DSCAM: variants seen among roughly 807,000 people sequenced by gnomAD.
DSCAM encodes the protein cell adhesion molecule DSCAM.
DSCAM carries 47 observed loss-of-function variants against 217.7 expected under a neutral mutation model. The ratio of observed to expected loss-of-function variants is 0.22; its 90% confidence interval spans 0.17 to 0.28. The LOEUF (loss-of-function observed/expected upper bound fraction) is 0.28, where lower values mean the gene tolerates loss of function less well. Among genes scored for constraint, DSCAM ranks in the 10% least tolerant of loss-of-function variants. The pLI is 1.00. For synonymous variants in DSCAM, 1,056 were observed against 1,015.3 expected (o/e 1.04, Z -0.76); for missense variants, 2,080 against 2,618.3 (o/e 0.79, Z 4.49).
intron 3 of DSCAM, among the ~76,000 whole-genome samples, chr21:40,599,003 G>T (rs920236897): frequency 6.6e-6 from 1 of 152,072 alleles, no homozygotes; most frequent in Non-Finnish European, 1.5e-5. Context: ...GTCTTCTTAG[G>T]TGAGGTGATC....
At chr21:40,748,082 A>G (rs1425011295) in intron 1 of DSCAM, among the ~76,000 whole-genome samples, 1 of 152,062 alleles carries the variant, frequency 6.6e-6, no homozygotes, top group Admixed American at 6.5e-5. Flanking sequence ...AATAAAGGCC[A>G]TATATGACAA....
At chr21:40,094,149 T>G (rs2089647509) in intron 20 of DSCAM, among the ~76,000 whole-genome samples, 1 of 151,748 alleles carries the variant, frequency 6.6e-6, no homozygotes, top group Admixed American at 6.6e-5. Flanking sequence ...TGAGATGGAG[T>G]AACAAGAACC....
intron 3 of DSCAM, among the ~76,000 whole-genome samples, chr21:40,544,553 C>A (rs550855774): frequency 6.6e-6 from 1 of 152,088 alleles, no homozygotes; most frequent in Non-Finnish European, 1.5e-5. Flanking sequence ...TCAAGTGATA[C>A]GGCCACAAGC....
In DSCAM at chr21:40,339,219, C is replaced by G. The variant is rs1322051280; in HGVS notation, c.1407G>C (p.Leu469=). The change falls in exon 7 of 33, where the codon CTG becomes CTC. Residue 469 remains leucine (L), a synonymous_variant. Transcript: ENST00000400454. ...CCCGGACCTGGGAGCTGGAGATGTT[C>G]AGGTAGCTGACCACGTTCCCCTCCG... ...ITSEGNVVSY[L]NISSSQVRDG... is the part of the protein sequence containing the mutation. The G allele has an allele frequency of 1.2e-5, 20 of 1,614,090 alleles. No homozygotes were observed. Among genetic ancestry groups the G allele is most frequent in the Non-Finnish European group, 1.6e-5 (19 of 1,180,040 alleles).
intron 3 of DSCAM, among the ~76,000 whole-genome samples, chr21:40,639,713 T>C (rs1005989775): frequency 1.4e-5 from 2 of 139,680 alleles, no homozygotes; most frequent in African/African-American, 5.2e-5. Flanking sequence ...GTGTGTGTCA[T>C]GATTAGCTAG....
intron 3 of DSCAM, among the ~76,000 whole-genome samples, chr21:40,551,612 C>G (rs1431529805): frequency 1.3e-5 from 2 of 152,066 alleles, no homozygotes; most frequent in African/African-American, 4.8e-5. Context: ...TGCAAAATTT[C>G]CCCCACAAAA....
At chr21:40,722,581 A>G (rs980330668) in intron 1 of DSCAM, among the ~76,000 whole-genome samples, 1 of 152,276 alleles carries the variant, frequency 6.6e-6, no homozygotes, top group African/African-American at 2.4e-5. Flanking sequence ...AAAATACTCC[A>G]TTAATCCAAA....
chr21:40,179,553 A>C (rs1023016087), intron 14 of DSCAM, among the ~76,000 whole-genome samples: 3 of 152,222 alleles, frequency 2.0e-5, no homozygotes, highest in Admixed American at 6.5e-5. Context: ...GAAAACCAGC[A>C]AAACTTCAAG....
rs146894517 is a variant in DSCAM at position 40,442,885 on chromosome 21, A to T, written c.509-73640T>A. Among the ~76,000 whole-genome samples the T allele has an allele frequency of 5.9e-4, 90 of 152,252 alleles. No individual in the cohort carries two copies. In the East Asian group the frequency reaches 0.016, roughly 27 times the overall value. ...TAATGAAGGAAATAATACAGGATAC[A>T]TCTGTGAACCTTGTCTCTCTTCCCC... On this transcript the variant is annotated intron_variant, in intron 3 of 32. Coordinates refer to ENST00000400454, the MANE Select transcript of DSCAM (RefSeq NM_001389.5).
intron 3 of DSCAM, among the ~76,000 whole-genome samples, chr21:40,380,599 T>C (rs922724421): frequency 6.6e-6 from 1 of 151,984 alleles, no homozygotes; most frequent in African/African-American, 2.4e-5. Flanking sequence ...GAGTGGGGTG[T>C]GTATGTAAGG....
chr21:40,091,752 A>G (rs1015485675), intron 21 of DSCAM, among the ~76,000 whole-genome samples: 1 of 152,124 alleles, frequency 6.6e-6, no homozygotes, highest in Non-Finnish European at 1.5e-5. Context: ...AATGAGGAGC[A>G]TAGGGCATGT....
At chr21:40,792,133 TC>T in intron 1 of DSCAM, among the ~76,000 whole-genome samples, 1 of 79,864 alleles carries the variant, frequency 1.3e-5, no homozygotes, top group African/African-American at 4.1e-5. Context: ...CTCTTCTTCT[TC>T]TTCTTTTTTT....
chr21:40,292,386 A>T (rs1044832907), intron 10 of DSCAM, among the ~76,000 whole-genome samples: 1 of 152,044 alleles, frequency 6.6e-6, no homozygotes, highest in Non-Finnish European at 1.5e-5. Context: ...TGATCATTTC[A>T]TTGAAAGAAA....
intron 1 of DSCAM, among the ~76,000 whole-genome samples, chr21:40,799,326 A>G (rs998121): frequency 0.48 from 72,667 of 151,572 alleles, 19,264 homozygotes; most frequent in South Asian, 0.67. Flanking sequence ...TTTATTGCTG[A>G]CATTACCTTC....
chr21:40,261,579 T>C (rs942352980), intron 11 of DSCAM, among the ~76,000 whole-genome samples: 2 of 151,938 alleles, frequency 1.3e-5, no homozygotes, highest in African/African-American at 4.8e-5. Flanking sequence ...ACACATTGGC[T>C]TTCCTGGGAC....
chr21:40,039,433 T>C (rs1269373719), intron 32 of DSCAM, among the ~76,000 whole-genome samples: 1 of 152,178 alleles, frequency 6.6e-6, no homozygotes, highest in Non-Finnish European at 1.5e-5. Flanking sequence ...TTAACCAATT[T>C]AACCAGTTGG....
At chr21:40,743,392 C>T (rs2837804) in intron 1 of DSCAM, among the ~76,000 whole-genome samples, 44,913 of 151,970 alleles carry the variant, frequency 0.3, 7,750 homozygotes, top group East Asian at 0.41. Context: ...ACAATAATGG[C>T]CTTTTATTCC....
intron 32 of DSCAM, among the ~76,000 whole-genome samples, chr21:40,020,867 G>A (rs2088253313): frequency 6.6e-6 from 1 of 152,116 alleles, no homozygotes; most frequent in Non-Finnish European, 1.5e-5. Flanking sequence ...CTGTAATGGT[G>A]GATTTGCACA....
At chr21:40,530,023 A>T (rs1048904815) in intron 3 of DSCAM, among the ~76,000 whole-genome samples, 7 of 152,148 alleles carry the variant, frequency 4.6e-5, no homozygotes, top group Non-Finnish European at 1.0e-4. Flanking sequence ...ATTTCAAGAG[A>T]TGCCTTAACA....
Sources: gnomAD v4.1 joint callset for allele counts (sites outside exome capture counted in the v4.1 genomes callset) on GRCh38, gnomAD v4.1.1 for gene constraint, MANE v1.5 for transcripts, NCBI Gene and HGNC (gene_info 2026-07-23, HGNC 2026-07-21) for gene names.